ZBTB46: variants seen among roughly 807,000 people sequenced by gnomAD.
ZBTB46 encodes the protein zinc finger and BTB domain containing 46, also known as zinc finger and BTB domain-containing protein 46.
ZBTB46 carries 8 observed loss-of-function variants against 44.1 expected under a neutral mutation model. That is an observed-to-expected ratio of 0.18 (90% CI 0.11 to 0.33). The LOEUF is 0.33. ZBTB46 is among the 10% of genes least tolerant of loss of function. The pLI is 1.00. For synonymous variants in ZBTB46, 409 were observed against 382.3 expected, an observed-to-expected ratio of 1.07 and a Z score of -0.81; for missense variants, 651 against 847.7, an observed-to-expected ratio of 0.77 and a Z score of 2.88.
rs543035321 is a variant in ZBTB46 at position 63,746,016 on chromosome 20, C to T, written c.*914G>A. The T allele has an allele frequency of 6.5e-6, 1 of 152,866 alleles. No individual in the cohort carries two copies. The highest frequency in any genetic ancestry group is 2.4e-5 in the African/African-American group (1 of 41,600). 9.5% of individuals were successfully genotyped at this position (152,866 alleles called of 1,614,324 possible). On this transcript the variant is annotated 3_prime_UTR_variant, in exon 5 of 5. Transcript: ENST00000245663. Reference sequence around the variant, plus strand: ...CCCACGCGGGGAGGTGTAAGCAGCACACTGCAGTTAGGAACACCGCCTCCA... The same window carrying T: ...CCCACGCGGGGAGGTGTAAGCAGCATACTGCAGTTAGGAACACCGCCTCCA...
chr20:63,832,530 G>C (rs2092857407), upstream of ZBTB46, among the ~76,000 whole-genome samples: 1 of 152,334 alleles, frequency 6.6e-6, no homozygotes, highest in East Asian at 1.9e-4. The surrounding 1 kb of genome is among the most constrained non-coding windows in gnomAD (Gnocchi z 5.0). Flanking sequence ...GCGGCAGTGG[G>C]AGGCGGCTGA....
chr20:63,771,642 C>T (rs961532092), intron 3 of ZBTB46, among the ~76,000 whole-genome samples: 2 of 152,130 alleles, frequency 1.3e-5, no homozygotes, highest in East Asian at 3.9e-4. Flanking sequence ...CAGATCACAC[C>T]GAGGCGCCTC....
chr20:63,751,606 G>A (rs1024989295), intron 4 of ZBTB46, among the ~76,000 whole-genome samples: 1 of 151,738 alleles, frequency 6.6e-6, no homozygotes, highest in Non-Finnish European at 1.5e-5. Flanking sequence ...GACCTCTGGC[G>A]CTCGGTTCCG....
chr20:63,800,836 C>G (rs1304904504), intron 1 of ZBTB46, among the ~76,000 whole-genome samples: 2 of 152,234 alleles, frequency 1.3e-5, no homozygotes, highest in Non-Finnish European at 2.9e-5. Context: ...GCAGTGGGCT[C>G]CTGCAGAGCT....
At chr20:63,780,974 A>T (rs961974219) in intron 2 of ZBTB46, among the ~76,000 whole-genome samples, 1 of 146,814 alleles carries the variant, frequency 6.8e-6, no homozygotes, top group African/African-American at 2.5e-5. Context: ...ACTAAAAAAA[A>T]AAAAAAAAAT....
chr20:63,761,633 T>A (rs1167906527), intron 3 of ZBTB46, among the ~76,000 whole-genome samples: 1 of 151,792 alleles, frequency 6.6e-6, no homozygotes, highest in African/African-American at 2.4e-5. Context: ...AATACAAAAA[T>A]TATCCAGGCG....
chr20:63,768,191 A>C (rs1601422869), intron 3 of ZBTB46: 41 of 831,698 alleles, frequency 4.9e-5, no homozygotes, highest in Middle Eastern at 6.0e-4. Context: ...AAACATTAAC[A>C]CCTGCCACCA....
At chr20:63,774,710 G>T (rs76786498) in intron 3 of ZBTB46, among the ~76,000 whole-genome samples, 16,932 of 54,084 alleles carry the variant, frequency 0.31, 1,899 homozygotes, top group East Asian at 0.64. Context: ...TTTTTTTTTT[G>T]TTTTTTTTTT....
chr20:63,816,590 A>C (rs1230382862), intron 1 of ZBTB46: 3 of 152,276 alleles, frequency 2.0e-5, no homozygotes, highest in Admixed American at 6.5e-5. Flanking sequence ...GCAGCTGCTG[A>C]TGTGTGGAGA....
At chr20:63,769,761 C>T (rs12480190) in intron 3 of ZBTB46, among the ~76,000 whole-genome samples, 16,820 of 152,222 alleles carry the variant, frequency 0.11, 1,401 homozygotes, top group East Asian at 0.47. Flanking sequence ...GCCCTTTAGT[C>T]GGCAACTGTT....
chr20:63,784,636 G>A (rs565357381), intron 2 of ZBTB46, among the ~76,000 whole-genome samples: 2 of 152,356 alleles, frequency 1.3e-5, no homozygotes, highest in African/African-American at 4.8e-5. Context: ...AGAAGGAGAC[G>A]CCAGGGCCTG....
chr20:63,832,774 C>A (rs1249633341), upstream of ZBTB46, among the ~76,000 whole-genome samples: 1 of 152,168 alleles, frequency 6.6e-6, no homozygotes, highest in African/African-American at 2.4e-5. The surrounding 1 kb of genome is among the most constrained non-coding windows in gnomAD (Gnocchi z 5.0). Flanking sequence ...ACTGTAGCCC[C>A]AGCCTCACCG....
chr20:63,775,844 G>C lies in ZBTB46; in HGVS notation c.1056C>G (p.Pro352=), dbSNP rs1236794005. The change falls in exon 3 of 5, where the codon CCC becomes CCG. Residue 352 remains proline, a synonymous_variant. Coordinates refer to ENST00000245663, the MANE Select transcript of ZBTB46 (RefSeq NM_001369741.1). ...LGGEASYLGP[P]LTPEKDDALH... The stretch of plus-strand genomic sequence containing the variant: ...GGGCGTCGTCCTTCTCTGGGGTGAG[G>C]GGAGGGCCCAGATAGCTGGCTTCTC... 1.2e-6 allele frequency: 2 copies of C among 1,613,466 alleles called. No individual in the cohort carries two copies. The highest frequency in any genetic ancestry group is 1.7e-5 in the Admixed American group (1 of 60,018).
rs1200385912 is a variant in ZBTB46 at position 63,744,408 on chromosome 20, G to C, written c.*2522C>G. The C allele has an allele frequency of 1.3e-5, 2 of 150,872 alleles. No individual in the cohort carries two copies. The highest frequency in any genetic ancestry group is 2.9e-5 in the Non-Finnish European group (2 of 67,806). The allele number at this position is 150,872 out of a possible 1,614,324, so 9.3% of individuals were successfully genotyped here. A position where few individuals can be genotyped will look rare whatever the true frequency, so the allele number is the denominator to read the frequency against. ...ATCGTGGTGTCCCTGCCCCCTCCCC[G>C]CCCCCAAATAACACCATCCCCAATG... On this transcript the variant is annotated 3_prime_UTR_variant, in exon 5 of 5. Transcript: ENST00000245663.
intron 1 of ZBTB46, among the ~76,000 whole-genome samples, chr20:63,829,445 A>C (rs1395562794): frequency 2.0e-5 from 3 of 152,260 alleles, no homozygotes; most frequent in Non-Finnish European, 4.4e-5. Context: ...TAAACACCTC[A>C]AAGTGAGTGC....
chr20:63,826,537 A>G (rs960870679), intron 1 of ZBTB46, among the ~76,000 whole-genome samples: 1 of 151,078 alleles, frequency 6.6e-6, no homozygotes, highest in Admixed American at 6.6e-5. Flanking sequence ...CCTGGCTAAC[A>G]TGGTGAAACC....
chr20:63,786,982 C>T (rs1310391400), intron 2 of ZBTB46, among the ~76,000 whole-genome samples: 1 of 152,100 alleles, frequency 6.6e-6, no homozygotes, highest in Admixed American at 6.6e-5. Context: ...CAGGGTCTGG[C>T]CGTAGCTCAG....
At chr20:63,788,592 A>G (rs1157614307) in intron 2 of ZBTB46, among the ~76,000 whole-genome samples, 3 of 151,998 alleles carry the variant, frequency 2.0e-5, no homozygotes, top group Admixed American at 6.5e-5. Flanking sequence ...GAATCCCAGC[A>G]CTTTGGGAGG....
At chr20:63,821,440 CTT>C (rs367924517) in intron 1 of ZBTB46, among the ~76,000 whole-genome samples, 3 of 139,458 alleles carry the variant, frequency 2.2e-5, no homozygotes, top group Non-Finnish European at 3.1e-5. Flanking sequence ...AGCAGGCACG[CTT>C]TTTTTTTTTT....
Sources: allele counts gnomAD v4.1 joint callset (sites outside exome capture counted in the v4.1 genomes callset), GRCh38; gene constraint gnomAD v4.1.1; non-coding constraint Gnocchi (gnomAD v3.1); transcripts MANE v1.5; gene names NCBI Gene and HGNC (gene_info 2026-07-23, HGNC 2026-07-21).